GLI3: variants seen among roughly 807,000 people sequenced by gnomAD.
The protein encoded by GLI3 is transcription activator GLI3.
In GLI3, 20 loss-of-function variants were observed where a neutral mutation model predicts 100.8. The observed-to-expected ratio is 0.20, with a 90% CI of 0.14 to 0.29. The LOEUF is 0.29. Among genes scored for constraint, GLI3 ranks in the 10% least tolerant of loss-of-function variants. The pLI, the probability that GLI3 is intolerant of heterozygous loss-of-function variation, is 1.00. For missense variants in GLI3, 2,040 were observed against 2,128.5 expected (o/e 0.96, Z 0.82); for synonymous variants, 938 against 860.5 (o/e 1.09, Z -1.58).
intron 10 of GLI3, among the ~76,000 whole-genome samples, chr7:41,979,923 T>C (rs1437359833): frequency 6.6e-6 from 1 of 151,958 alleles, no homozygotes; most frequent in Non-Finnish European, 1.5e-5. Flanking sequence ...AGTCTGAAGG[T>C]GAAGTTCTGC....
intron 6 of GLI3, among the ~76,000 whole-genome samples, chr7:42,041,664 C>T (rs1231180629): frequency 6.6e-6 from 1 of 152,018 alleles, no homozygotes; most frequent in African/African-American, 2.4e-5. Context: ...AATGTCCAGG[C>T]TCTTGGTCTC....
intron 3 of GLI3, among the ~76,000 whole-genome samples, chr7:42,106,692 A>G (rs2141174): frequency 0.97 from 148,131 of 152,330 alleles, 72,163 homozygotes; most frequent in East Asian, 1. Flanking sequence ...AAAGTTACTC[A>G]TTTTCAAAGA....
rs781465968 is a variant in GLI3 at position 41,966,340 on chromosome 7, C to G, written c.2733G>C (p.Gln911His). 1 of 1,607,966 alleles carries G rather than the reference C, an allele frequency of 6.2e-7. No individual in the cohort carries two copies. The highest frequency in any genetic ancestry group is 1.1e-5 in the South Asian group (1 of 90,988). Reference sequence around the variant, plus strand: ...TGAGCAGGCTGGGCAGGCCGTCGCTCTGGCTGGCTTCGCTGGAGCGGCGCG... The same window carrying G: ...TGAGCAGGCTGGGCAGGCCGTCGCTGTGGCTGGCTTCGCTGGAGCGGCGCG... The part of the protein sequence containing the change: ...DASRRSSEAS[Q>H]SDGLPSLLSL... Residue 911 changes from glutamine to histidine, a missense_variant, in exon 15 of 15, where the codon CAG (glutamine) becomes CAC (histidine). Coordinates refer to ENST00000395925, the MANE Select transcript of GLI3 (RefSeq NM_000168.6). The surrounding 1 kb of genome is among the most constrained non-coding windows in gnomAD (Gnocchi z 5.8).
At chr7:42,178,337 G>T (rs1787521756) in intron 2 of GLI3, among the ~76,000 whole-genome samples, 1 of 152,184 alleles carries the variant, frequency 6.6e-6, no homozygotes, top group South Asian at 2.1e-4. Flanking sequence ...CCAGATGCAG[G>T]CGCTTAATTC....
At chr7:41,991,415 T>G (rs1207030762) in intron 10 of GLI3, among the ~76,000 whole-genome samples, 1 of 152,138 alleles carries the variant, frequency 6.6e-6, no homozygotes, top group Non-Finnish European at 1.5e-5. Flanking sequence ...CAACTTTTAT[T>G]CACAAGCCAC....
intron 4 of GLI3, among the ~76,000 whole-genome samples, chr7:42,058,285 T>G (rs1364629475): frequency 1.3e-5 from 2 of 152,134 alleles, no homozygotes; most frequent in Admixed American, 1.3e-4. Context: ...TTATGAGGTG[T>G]GGGGATGTTC....
intron 1 of GLI3, among the ~76,000 whole-genome samples, chr7:42,257,130 A>C (rs1342056926): frequency 6.6e-6 from 1 of 152,098 alleles, no homozygotes; most frequent in African/African-American, 2.4e-5. Context: ...TTGTATCTTG[A>C]ACCTTGCTAA....
At chr7:42,226,409 CTTTAT>C (rs1240919067) in intron 1 of GLI3, among the ~76,000 whole-genome samples, 1 of 152,132 alleles carries the variant, frequency 6.6e-6, no homozygotes, top group Non-Finnish European at 1.5e-5. Context: ...AGGCAAAGGA[CTTTAT>C]TTTAACAAAG....
At chr7:42,154,001 T>C (rs1786940712) in intron 2 of GLI3, among the ~76,000 whole-genome samples, 1 of 151,746 alleles carries the variant, frequency 6.6e-6, no homozygotes, top group African/African-American at 2.4e-5. Flanking sequence ...CCCTGTCCCC[T>C]GTTAACAGGA....
chr7:42,219,904 A>T (rs1788450890), intron 2 of GLI3, among the ~76,000 whole-genome samples: 1 of 144,800 alleles, frequency 6.9e-6, no homozygotes, highest in Admixed American at 7.1e-5. Context: ...CCCAGGCTGG[A>T]GTGCAGTGGC....
At chr7:42,041,564 A>G (rs1159491723) in intron 6 of GLI3, among the ~76,000 whole-genome samples, 1 of 152,232 alleles carries the variant, frequency 6.6e-6, no homozygotes, top group Non-Finnish European at 1.5e-5. Flanking sequence ...AACACCTCAT[A>G]GAATGAGTAT....
intron 3 of GLI3, among the ~76,000 whole-genome samples, chr7:42,128,843 T>C (rs551673866): frequency 6.6e-6 from 1 of 152,316 alleles, no homozygotes; most frequent in East Asian, 1.9e-4. Context: ...CGGCTGCCAT[T>C]TCCACTCCCA....
At chr7:42,110,891 C>T (rs1785689897) in intron 3 of GLI3, among the ~76,000 whole-genome samples, 1 of 152,162 alleles carries the variant, frequency 6.6e-6, no homozygotes, top group African/African-American at 2.4e-5. Flanking sequence ...TGGCTCCCAG[C>T]TCTGGTTGGT....
intron 3 of GLI3, among the ~76,000 whole-genome samples, chr7:42,083,893 C>T (rs537812581): frequency 4.6e-5 from 7 of 152,152 alleles, no homozygotes; most frequent in Non-Finnish European, 1.0e-4. Flanking sequence ...AACCATAAAT[C>T]TAGCAATAAT....
chr7:42,164,752 C>T (rs1787204585), intron 2 of GLI3, among the ~76,000 whole-genome samples: 1 of 151,820 alleles, frequency 6.6e-6, no homozygotes, highest in South Asian at 2.1e-4. Flanking sequence ...ATGGCATGAA[C>T]TCAGGAGGTG....
intron 2 of GLI3, among the ~76,000 whole-genome samples, chr7:42,169,269 T>A (rs546723198): frequency 6.6e-6 from 1 of 152,298 alleles, no homozygotes; most frequent in South Asian, 2.1e-4. Flanking sequence ...TTCAAACATA[T>A]GCAATATATA....
At chr7:41,976,690 T>C (rs909897289) in intron 12 of GLI3, among the ~76,000 whole-genome samples, 4 of 152,198 alleles carry the variant, frequency 2.6e-5, no homozygotes, top group African/African-American at 9.6e-5. Context: ...CTATGTCTCA[T>C]GTTAACAAAT....
chr7:42,136,310 T>C (rs571683204), intron 3 of GLI3, among the ~76,000 whole-genome samples: 2 of 152,336 alleles, frequency 1.3e-5, no homozygotes, highest in South Asian at 4.1e-4. Context: ...GGAATGCACG[T>C]AGGCCTCCGT....
intron 1 of GLI3, among the ~76,000 whole-genome samples, chr7:42,261,952 C>T: frequency 7.9e-6 from 1 of 126,210 alleles, no homozygotes; most frequent in Non-Finnish European, 1.6e-5. Context: ...CTTTTCTTTC[C>T]TTTTTCTTCC....
Sources: gnomAD v4.1 joint callset for allele counts (sites outside exome capture counted in the v4.1 genomes callset) on GRCh38, gnomAD v4.1.1 for gene constraint, Gnocchi (gnomAD v3.1) non-coding constraint, MANE v1.5 for transcripts, NCBI Gene and HGNC (gene_info 2026-07-23, HGNC 2026-07-21) for gene names.